The following CSMD3 variants were observed in gnomAD, a reference collection of about 807,000 sequenced individuals.
CSMD3 encodes the protein CUB and Sushi multiple domains 3, also known as CUB and sushi domain-containing protein 3.
In CSMD3, 177 loss-of-function variants were observed where a neutral mutation model predicts 435.2. The observed-to-expected ratio is 0.41, with a 90% CI of 0.36 to 0.46. The LOEUF is 0.46. CSMD3 is among the 20% of genes least tolerant of loss of function. The pLI is 0.34. For missense variants in CSMD3, 4,265 were observed against 4,504.6 expected, an observed-to-expected ratio of 0.95 and a Z score of 1.52; for synonymous variants, 1,656 against 1,520.5, an observed-to-expected ratio of 1.09 and a Z score of -2.07.
intron 3 of CSMD3, among the ~76,000 whole-genome samples, chr8:113,232,937 T>C (rs1463122105): frequency 2.0e-5 from 3 of 151,930 alleles, no homozygotes; most frequent in East Asian, 3.9e-4. Flanking sequence ...CATTTCATTT[T>C]TATCCTTTTA....
intron 1 of CSMD3, among the ~76,000 whole-genome samples, chr8:113,419,220 T>C (rs2094597979): frequency 6.6e-6 from 1 of 151,118 alleles, no homozygotes; most frequent in East Asian, 2.0e-4. Flanking sequence ...CTGGATTCAA[T>C]TGATTCTCCT....
chr8:112,594,108 G>T (rs1356898393), intron 22 of CSMD3, among the ~76,000 whole-genome samples: 1 of 152,136 alleles, frequency 6.6e-6, no homozygotes, highest in Admixed American at 6.5e-5. Context: ...CTGAGGTACC[G>T]GGTTCATCTC....
At chr8:112,565,542 T>C (rs1053602989) in intron 24 of CSMD3, among the ~76,000 whole-genome samples, 2 of 152,150 alleles carry the variant, frequency 1.3e-5, no homozygotes, top group East Asian at 3.9e-4. Context: ...TATTAAATGA[T>C]TTCAAGCAAC....
intron 1 of CSMD3, among the ~76,000 whole-genome samples, chr8:113,427,183 A>G (rs2094640614): frequency 6.6e-6 from 1 of 151,502 alleles, no homozygotes; most frequent in Non-Finnish European, 1.5e-5. Context: ...GTTACATATG[A>G]AAATATATTT....
intron 25 of CSMD3, among the ~76,000 whole-genome samples, chr8:112,554,545 C>A (rs1438054144): frequency 6.6e-6 from 1 of 151,718 alleles, no homozygotes; most frequent in East Asian, 1.9e-4. Context: ...ACTTATTCTT[C>A]TTGATTAATT....
Position 113,104,030 on chromosome 8 carries a change from A to C in CSMD3, c.710-5067T>G, listed in dbSNP as rs1052830020. Among the ~76,000 whole-genome samples, 3 of 152,118 alleles carry C rather than the reference A, an allele frequency of 2.0e-5. No individual in the cohort carries two copies. The East Asian group carries it at 5.8e-4, about 29-fold the overall frequency. On this transcript the variant is annotated intron_variant, in intron 4 of 70. Transcript: ENST00000297405. ...CTTTTCCAAACATGGCTGTTAATAAAAAAATAAACACAGCTTCATAAAACA... is the reference window on the plus strand; with the variant it reads ...CTTTTCCAAACATGGCTGTTAATAACAAAATAAACACAGCTTCATAAAACA...
rs756444221 is a variant in CSMD3, at chr8:112,637,024, A to T, written c.3527-19T>A. ...TTATATTCTGTAAATTAGAGAGAAA[A>T]ATTTCCCCGCGGGGGAGGAAAGGAC... On this transcript the variant is annotated intron_variant, in intron 21 of 70. Coordinates refer to ENST00000297405, the MANE Select transcript of CSMD3 (RefSeq NM_198123.2). 6.2e-7 allele frequency: 1 copy of T among 1,606,076 alleles called. No individual in the cohort carries two copies. Among genetic ancestry groups the T allele is most frequent in the Non-Finnish European group, 8.5e-7 (1 of 1,172,988 alleles).
At chr8:113,089,164 C>T (rs1354200076) in intron 5 of CSMD3, among the ~76,000 whole-genome samples, 1 of 152,112 alleles carries the variant, frequency 6.6e-6, no homozygotes, top group East Asian at 1.9e-4. Context: ...TTCTTTTCAA[C>T]TTCCTCCACT....
intron 10 of CSMD3, among the ~76,000 whole-genome samples, chr8:112,890,479 T>C (rs1352906528): frequency 6.6e-6 from 1 of 151,650 alleles, no homozygotes; most frequent in African/African-American, 2.4e-5. Flanking sequence ...TGAGTTTACA[T>C]TGTAGGAAAA....
rs79824974 is a variant in CSMD3, at chr8:113,095,611, T to C, written c.917+3145A>G. On this transcript the variant is annotated intron_variant, in intron 5 of 70. Coordinates refer to ENST00000297405, the MANE Select transcript of CSMD3 (RefSeq NM_198123.2). ...AGGAAAATTTATAAAGTCAATCTTA[T>C]ATGTCTGTGGGATCTGTATTAGCAG... is the stretch of plus-strand genomic sequence containing the variant. Among the ~76,000 whole-genome samples the C allele has an allele frequency of 4.7e-3, 710 of 152,226 alleles. 5 individuals carry two copies. The highest frequency in any genetic ancestry group is 0.015 in the African/African-American group (621 of 41,550).
At chr8:112,398,277 G>A (rs6981814) in intron 35 of CSMD3, among the ~76,000 whole-genome samples, 31,079 of 152,022 alleles carry the variant, frequency 0.2, 3,895 homozygotes, top group East Asian at 0.44. Context: ...CCACATTCTG[G>A]ACCTACTGGA....
intron 6 of CSMD3, 128 bp from the exon 7 acceptor site, chr8:112,976,276 CAA>C (rs1241323868): frequency 9.4e-7 from 1 of 1,058,362 alleles, no homozygotes; most frequent in Non-Finnish European, 1.4e-6. Flanking sequence ...AGGCAAAACA[CAA>C]ACACGCGAGT....
At chr8:113,137,561 G>T (rs1171513823) in intron 4 of CSMD3, among the ~76,000 whole-genome samples, 1 of 151,574 alleles carries the variant, frequency 6.6e-6, no homozygotes, top group Admixed American at 6.6e-5. Flanking sequence ...CTGGGCACCA[G>T]CACATTTATT....
chr8:112,904,420 A>T (rs1288148439), intron 10 of CSMD3, among the ~76,000 whole-genome samples: 1 of 151,460 alleles, frequency 6.6e-6, no homozygotes, highest in African/African-American at 2.4e-5. Context: ...ATTTAAAACA[A>T]ATAAATACAT....
chr8:112,671,016 G>T (rs1471515919), intron 16 of CSMD3, among the ~76,000 whole-genome samples: 1 of 152,054 alleles, frequency 6.6e-6, no homozygotes, highest in Non-Finnish European at 1.5e-5. Context: ...TGAGAAAAGG[G>T]CTGAGATGAA....
chr8:112,498,592 G>A (rs1193459653), intron 30 of CSMD3, among the ~76,000 whole-genome samples: 2 of 152,182 alleles, frequency 1.3e-5, no homozygotes, highest in Admixed American at 6.5e-5. Flanking sequence ...TCTACCATTG[G>A]ATTGCTAGTG....
At chr8:113,019,616 A>G (rs2131174252) in intron 5 of CSMD3, among the ~76,000 whole-genome samples, 1 of 150,768 alleles carries the variant, frequency 6.6e-6, no homozygotes, top group African/African-American at 2.4e-5. Context: ...TATTGAGCTG[A>G]TGGTGCTAGT....
chr8:112,646,748 A>G (rs2074991243), intron 19 of CSMD3, among the ~76,000 whole-genome samples: 1 of 152,216 alleles, frequency 6.6e-6, no homozygotes. Context: ...TTATTTGAAA[A>G]TAATTATCAT....
intron 13 of CSMD3, among the ~76,000 whole-genome samples, chr8:112,798,265 A>C (rs2078874980): frequency 6.6e-6 from 1 of 151,874 alleles, no homozygotes; most frequent in South Asian, 2.1e-4. Context: ...AGTTATGGAT[A>C]ATTTGGTAAA....
Sources: allele counts gnomAD v4.1 joint callset (sites outside exome capture counted in the v4.1 genomes callset), GRCh38; gene constraint gnomAD v4.1.1; transcripts MANE v1.5; gene names NCBI Gene and HGNC (gene_info 2026-07-23, HGNC 2026-07-21).